The following ABL1 variants were observed in gnomAD, a reference collection of about 807,000 sequenced individuals.
ABL1 encodes the protein ABL proto-oncogene 1, non-receptor tyrosine kinase.
Under a neutral mutation model 94.7 loss-of-function variants are expected in ABL1, and 11 were observed. The observed-to-expected ratio is 0.12, with a 90% confidence interval of 0.07 to 0.19. The LOEUF (loss-of-function observed/expected upper bound fraction) is 0.19. Ranked by LOEUF, ABL1 falls within the 10% of genes least tolerant of loss-of-function variation. The pLI is 1.00. For missense variants in ABL1, 1,082 were observed against 1,489.4 expected (o/e 0.73, Z 4.50); for synonymous variants, 656 against 622.4 (o/e 1.05, Z -0.80).
intron 3 of ABL1, among the ~76,000 whole-genome samples, chr9:130,860,376 G>A (rs1831052514): frequency 6.6e-6 from 1 of 152,196 alleles, no homozygotes; most frequent in Non-Finnish European, 1.5e-5. Flanking sequence ...TATTGAAAAG[G>A]ATAAAGTTGG....
chr9:130,836,447 A>G (rs1830585008), intron 1 of ABL1, among the ~76,000 whole-genome samples: 1 of 152,168 alleles, frequency 6.6e-6, no homozygotes, highest in African/African-American at 2.4e-5. Flanking sequence ...CTCCCAGACC[A>G]TTGCCTTCAG....
At chr9:130,820,133 C>T (rs1339465382) in intron 1 of ABL1, among the ~76,000 whole-genome samples, 1 of 152,120 alleles carries the variant, frequency 6.6e-6, no homozygotes, top group Non-Finnish European at 1.5e-5. Flanking sequence ...ACTTTGGAAA[C>T]ATGTTTACTA....
intron 4 of ABL1, among the ~76,000 whole-genome samples, chr9:130,871,014 G>A (rs1448244697): frequency 1.3e-5 from 2 of 152,278 alleles, no homozygotes; most frequent in Non-Finnish European, 2.9e-5. Context: ...AACATACAAG[G>A]TTCTACGTTT....
At chr9:130,797,348 T>C (rs374833454) in intron 1 of ABL1, among the ~76,000 whole-genome samples, 3 of 151,894 alleles carry the variant, frequency 2.0e-5, no homozygotes, top group South Asian at 2.1e-4. Context: ...TAATTAATTA[T>C]ATTTTAATGA....
intron 1 of ABL1, among the ~76,000 whole-genome samples, chr9:130,784,882 A>G (rs1333410910): frequency 9.9e-5 from 15 of 152,132 alleles, no homozygotes; most frequent in Non-Finnish European, 7.4e-5. Flanking sequence ...CGGCCATTTT[A>G]TTCTGTAGCC....
intron 1 of ABL1, among the ~76,000 whole-genome samples, chr9:130,813,265 G>T (rs116199631): frequency 1.2e-4 from 17 of 147,674 alleles, no homozygotes; most frequent in Non-Finnish European, 1.8e-4. Flanking sequence ...TCAATTTGTA[G>T]AAAGTATGAT....
chr9:130,855,388 C>A (rs564885040), intron 3 of ABL1, among the ~76,000 whole-genome samples: 1 of 144,764 alleles, frequency 6.9e-6, no homozygotes, highest in South Asian at 2.1e-4. Flanking sequence ...ACATTTTTTA[C>A]AATAAGATTC....
Position 130,854,100 on chromosome 9 carries a change from C to T in ABL1, c.116C>T (p.Pro39Leu), listed in dbSNP as rs1462486613. The change falls in exon 2 of 11, where the codon CCT becomes CTT. Residue 39 changes from proline to leucine, a missense_variant. Pro to Leu is a moderately conservative substitution (Grantham distance 98). This residue lies in a region of ABL1 where 65 missense variants were observed against 80.8 expected (regional missense o/e 0.80). Transcript: ENST00000318560. ...LQRPVASDFE[P>L]QGLSEAARWN... ...CGGCCAGTAGCATCTGACTTTGAGC[C>T]TCAGGGTCTGAGTGAAGCCGCTCGT... 1 of 1,614,090 alleles carries T rather than the reference C, an allele frequency of 6.2e-7. No individual in the cohort carries two copies. The highest frequency in any genetic ancestry group is 8.5e-7 in the Non-Finnish European group (1 of 1,180,002).
chr9:130,884,335 G>T lies in ABL1; in HGVS notation c.2045G>T (p.Arg682Leu). Residue 682 changes from arginine (R) to leucine (L), a missense_variant, in exon 11 of 11, where the codon CGG (arginine) becomes CTG (leucine). This residue lies in a region of ABL1 where 780 missense variants were observed against 835.8 expected (regional missense o/e 0.93). Transcript: ENST00000318560. The surrounding 1 kb of genome is among the most constrained non-coding windows in gnomAD (Gnocchi z 5.6). Reference protein sequence around the residue: ...ALRESGGSGFRSPHLWKKSST... With the variant: ...ALRESGGSGFLSPHLWKKSST... Reference sequence around the variant, plus strand: ...CGGGAGTCCGGGGGCTCAGGCTTCCGGTCTCCCCACCTGTGGAAGAAGTCC... The same window carrying T: ...CGGGAGTCCGGGGGCTCAGGCTTCCTGTCTCCCCACCTGTGGAAGAAGTCC... The T allele has an allele frequency of 6.2e-7, 1 of 1,612,008 alleles. No individual in the cohort carries two copies. The highest frequency in any genetic ancestry group is 8.5e-7 in the Non-Finnish European group (1 of 1,179,620).
At chr9:130,868,517 TTTC>T (rs2132985277) in intron 4 of ABL1, among the ~76,000 whole-genome samples, 2 of 140,410 alleles carry the variant, frequency 1.4e-5, no homozygotes, top group Admixed American at 6.7e-5. Context: ...CTTTTTTCTT[TTTC>T]TTTTTTTTTT....
intron 1 of ABL1, among the ~76,000 whole-genome samples, chr9:130,750,192 C>A (rs1002065977): frequency 1.9e-5 from 2 of 106,448 alleles, no homozygotes; most frequent in South Asian, 3.0e-4. Context: ...AAAAAAAATA[C>A]ATATATATAT....
At chr9:130,759,133 T>C (rs1398178204) in intron 1 of ABL1, among the ~76,000 whole-genome samples, 4 of 127,690 alleles carry the variant, frequency 3.1e-5, no homozygotes, top group Admixed American at 8.1e-5. Flanking sequence ...TTAAACATGA[T>C]TTTTTAAAAA....
intron 8 of ABL1, among the ~76,000 whole-genome samples, chr9:130,878,876 T>G (rs1024066339): frequency 8.3e-6 from 1 of 120,024 alleles, no homozygotes; most frequent in East Asian, 2.4e-4. Flanking sequence ...ATGAGGTGAT[T>G]TTTTTTTTTT....
At chr9:130,741,417 G>A (rs1245985393) in intron 1 of ABL1, among the ~76,000 whole-genome samples, 1 of 150,806 alleles carries the variant, frequency 6.6e-6, no homozygotes, top group Non-Finnish European at 1.5e-5. Flanking sequence ...CAGTTACCAT[G>A]CCGGAGTAAC....
upstream of ABL1, among the ~76,000 whole-genome samples, chr9:130,833,212 T>C (rs1830514820): frequency 6.6e-6 from 1 of 152,196 alleles, no homozygotes; most frequent in African/African-American, 2.4e-5. Context: ...TGCCTAATAA[T>C]GTGTAATTCT....
intron 1 of ABL1, among the ~76,000 whole-genome samples, chr9:130,766,232 C>G (rs1832181477): frequency 1.3e-5 from 2 of 152,246 alleles, no homozygotes; most frequent in Admixed American, 1.3e-4. Flanking sequence ...CCAGCCTGCT[C>G]AGGGGCATGC....
intron 8 of ABL1, among the ~76,000 whole-genome samples, chr9:130,879,619 G>A (rs184523911): frequency 3.3e-5 from 5 of 152,318 alleles, no homozygotes; most frequent in East Asian, 3.9e-4. Flanking sequence ...CCAGTCAGAC[G>A]CATATGGGAG....
intron 1 of ABL1, among the ~76,000 whole-genome samples, chr9:130,776,166 G>A (rs1407130228): frequency 6.6e-6 from 1 of 152,238 alleles, no homozygotes; most frequent in Non-Finnish European, 1.5e-5. Flanking sequence ...AATTAGTCAT[G>A]TGGTATCACA....
At chr9:130,789,908 G>A (rs945578652) in intron 1 of ABL1, among the ~76,000 whole-genome samples, 36 of 152,180 alleles carry the variant, frequency 2.4e-4, no homozygotes, top group African/African-American at 8.4e-4. Flanking sequence ...AACCACGAGA[G>A]GCTCAGAGAT....
Sources: gnomAD v4.1 joint callset for allele counts (sites outside exome capture counted in the v4.1 genomes callset) on GRCh38, gnomAD v4.1.1 for gene constraint, gnomAD v4.1.1 regional missense constraint, Gnocchi (gnomAD v3.1) non-coding constraint, MANE v1.5 for transcripts, NCBI Gene and HGNC (gene_info 2026-07-23, HGNC 2026-07-21) for gene names.